Variants in MGAT5 observed in about 807,000 individuals in gnomAD.
The protein encoded by MGAT5 is alpha-1,6-mannosylglycoprotein 6-beta-N-acetylglucosaminyltransferase, also known as alpha-1,6-mannosylglycoprotein 6-beta-N-acetylglucosaminyltransferase A.
MGAT5 carries 30 observed loss-of-function variants against 94.3 expected under a neutral mutation model. That is an observed-to-expected ratio of 0.32 (90% CI 0.24 to 0.43). MGAT5 has a LOEUF of 0.43. Among genes scored for constraint, MGAT5 ranks in the 20% least tolerant of loss-of-function variants. The pLI is 1.00. For synonymous variants in MGAT5, 310 were observed against 322.9 expected, an observed-to-expected ratio of 0.96 and a Z score of 0.43; for missense variants, 691 against 905.5, an observed-to-expected ratio of 0.76 and a Z score of 3.04.
At chr2:134,256,550 T>C (rs1367938019) in intron 1 of MGAT5, among the ~76,000 whole-genome samples, 1 of 152,172 alleles carries the variant, frequency 6.6e-6, no homozygotes, top group African/African-American at 2.4e-5. Context: ...TTGATGAAAA[T>C]CTCATAGGGA....
chr2:134,381,407 T>TAAGATA (rs202217888), intron 10 of MGAT5, among the ~76,000 whole-genome samples: 1 of 71,902 alleles, frequency 1.4e-5, no homozygotes, highest in Non-Finnish European at 2.8e-5. Context: ...GATAGATAGA[T>TAAGATA]AGATAGATAG....
At chr2:134,139,079 C>CT (rs1558952131) in intron 1 of MGAT5, among the ~76,000 whole-genome samples, 1 of 152,220 alleles carries the variant, frequency 6.6e-6, no homozygotes. Context: ...GAGAAATTCT[C>CT]TAAGGCTAGG....
intron 1 of MGAT5, among the ~76,000 whole-genome samples, chr2:134,173,742 T>A (rs1238835192): frequency 6.6e-6 from 1 of 152,206 alleles, no homozygotes; most frequent in Non-Finnish European, 1.5e-5. Context: ...GTTGTCAACC[T>A]GTTGTTGGAG....
At chr2:134,259,923 T>A (rs1053657882) in intron 1 of MGAT5, among the ~76,000 whole-genome samples, 4 of 152,162 alleles carry the variant, frequency 2.6e-5, no homozygotes, top group African/African-American at 4.8e-5. Flanking sequence ...GTGATAGGGT[T>A]TAAAATATCT....
At chr2:134,309,585 TG>T in intron 2 of MGAT5, among the ~76,000 whole-genome samples, 3 of 152,328 alleles carry the variant, frequency 2.0e-5, no homozygotes, top group Admixed American at 2.0e-4. Flanking sequence ...TGCCTACTTT[TG>T]TCAGTAGCAA....
chr2:134,248,585 G>C (rs1231668772), intron 1 of MGAT5, among the ~76,000 whole-genome samples: 1 of 152,174 alleles, frequency 6.6e-6, no homozygotes, highest in Admixed American at 6.5e-5. Context: ...CTAAATGTAG[G>C]CTCCTTAGCC....
At position 134,443,671 on chromosome 2, in the gene MGAT5, A is replaced by G. The variant is rs145557717; in HGVS notation, c.2027+1756A>G. ...GTCCAGGATGTCTGGAAAGCCTGTG[A>G]TGGTACTGGAAGTTTCCAGTTCCAC... is the stretch of plus-strand genomic sequence containing the variant. On this transcript the variant is annotated intron_variant, in intron 15 of 15. Coordinates refer to ENST00000281923, the MANE Select transcript of MGAT5 (RefSeq NM_002410.5). Among the ~76,000 whole-genome samples the G allele has an allele frequency of 2.0e-3, 300 of 152,318 alleles. 3 individuals are homozygous for G. The highest frequency in any genetic ancestry group is 0.01 in the Middle Eastern group (3 of 294).
chr2:134,374,019 C>A (rs1486177420), intron 10 of MGAT5, among the ~76,000 whole-genome samples: 1 of 152,176 alleles, frequency 6.6e-6, no homozygotes, highest in Non-Finnish European at 1.5e-5. Flanking sequence ...AAACATCAGC[C>A]AATGGAGCAA....
Position 134,454,291 on chromosome 2 carries a change from G to A in MGAT5, c.*5444G>A, listed in dbSNP as rs535820407. ...ACATCTGCCAAAGCTGAGAGGGAGC[G>A]AACTTGGGAAGCATTTTGCTCATTG... On this transcript the variant is annotated 3_prime_UTR_variant, in exon 16 of 16. Transcript: ENST00000281923. 9 of 152,334 alleles carry A rather than the reference G, an allele frequency of 5.9e-5. No homozygotes were observed. The highest frequency in any genetic ancestry group is 1.3e-4 in the Admixed American group (2 of 15,306). 9.4% of individuals were successfully genotyped at this position (152,334 alleles called of 1,614,324 possible). A position where few individuals can be genotyped will look rare whatever the true frequency, so the allele number is the denominator to read the frequency against.
chr2:134,163,448 G>A (rs1223560600), intron 1 of MGAT5, among the ~76,000 whole-genome samples: 1 of 152,188 alleles, frequency 6.6e-6, no homozygotes, highest in Non-Finnish European at 1.5e-5. Flanking sequence ...TAGAAAGCTG[G>A]TGTAAGCTAC....
At chr2:134,307,619 G>A (rs16830385) in intron 2 of MGAT5, among the ~76,000 whole-genome samples, 5,688 of 151,962 alleles carry the variant, frequency 0.037, 254 homozygotes, top group East Asian at 0.12. Flanking sequence ...CTTTCCAACC[G>A]TATTTCTTAC....
intron 1 of MGAT5, among the ~76,000 whole-genome samples, chr2:134,263,775 C>T (rs1030557152): frequency 1.3e-5 from 2 of 151,738 alleles, no homozygotes; most frequent in African/African-American, 4.8e-5. Flanking sequence ...CACTTAATGC[C>T]TTTGTGACTT....
At chr2:134,280,516 T>G (rs1375565855) in intron 2 of MGAT5, among the ~76,000 whole-genome samples, 1 of 152,264 alleles carries the variant, frequency 6.6e-6, no homozygotes, top group Non-Finnish European at 1.5e-5. Flanking sequence ...GGTTTTAAGC[T>G]GTCTTGAAGT....
chr2:134,362,864 C>T (rs1440198226), intron 10 of MGAT5, among the ~76,000 whole-genome samples: 1 of 152,222 alleles, frequency 6.6e-6, no homozygotes. Flanking sequence ...ATAGTCACTA[C>T]TCACCTGACG....
At chr2:134,131,666 A>G (rs1455106907) in intron 1 of MGAT5, among the ~76,000 whole-genome samples, 1 of 139,750 alleles carries the variant, frequency 7.2e-6, no homozygotes, top group African/African-American at 2.7e-5. Flanking sequence ...TCTTTGCCCT[A>G]TAACTTTGCA....
intron 2 of MGAT5, among the ~76,000 whole-genome samples, chr2:134,284,877 A>G (rs60684237): frequency 0.093 from 14,098 of 152,178 alleles, 1,534 homozygotes; most frequent in African/African-American, 0.26. Context: ...ATTTTTAAAG[A>G]TGAAAATAGT....
chr2:134,289,504 G>A (rs1685215885), intron 2 of MGAT5, among the ~76,000 whole-genome samples: 1 of 152,200 alleles, frequency 6.6e-6, no homozygotes, highest in Non-Finnish European at 1.5e-5. Context: ...TGGTTGCAGG[G>A]TTCTGCCGAA....
At chr2:134,287,164 G>A (rs1488705932) in intron 2 of MGAT5, among the ~76,000 whole-genome samples, 1 of 151,960 alleles carries the variant, frequency 6.6e-6, no homozygotes, top group African/African-American at 2.4e-5. Flanking sequence ...TATCCTTCCT[G>A]TTCATCTTAT....
chr2:134,217,112 G>A (rs1030772258), intron 1 of MGAT5, among the ~76,000 whole-genome samples: 5 of 152,070 alleles, frequency 3.3e-5, no homozygotes, highest in African/African-American at 4.8e-5. Flanking sequence ...ACCTAGCATG[G>A]TGTTGGGTAA....
Sources: gnomAD v4.1 joint callset for allele counts (sites outside exome capture counted in the v4.1 genomes callset) on GRCh38, gnomAD v4.1.1 for gene constraint, MANE v1.5 for transcripts, NCBI Gene and HGNC (gene_info 2026-07-23, HGNC 2026-07-21) for gene names.